Variants in COL18A1 observed in about 807,000 individuals in gnomAD.
COL18A1 encodes collagen type XVIII alpha 1 chain, also known as collagen alpha-1(XVIII) chain.
In COL18A1, 133 loss-of-function variants were observed where a neutral mutation model predicts 168.0. The ratio of observed to expected loss-of-function variants is 0.79; its 90% CI spans 0.69 to 0.91. The LOEUF is 0.91. Among genes scored for constraint, COL18A1 ranks in the 40% least tolerant of loss-of-function variants. The pLI, the probability that COL18A1 is intolerant of heterozygous loss-of-function variation, is 0.00. For missense variants in COL18A1, 2,126 were observed against 1,925.4 expected (o/e 1.10, Z -1.95); for synonymous variants, 949 against 809.0 (o/e 1.17, Z -2.94).
Position 45,506,129 on chromosome 21 carries a change from T to C in COL18A1, c.3216+163T>C, listed in dbSNP as rs949244268. 13 of 1,122,384 alleles carry C rather than the reference T, an allele frequency of 1.2e-5. No individual in the cohort carries two copies. In the African/African-American group the frequency reaches 2.0e-4, roughly 17 times the overall value. 69.5% of individuals were successfully genotyped at this position (1,122,384 alleles called of 1,614,324 possible). A position where few individuals can be genotyped will look rare whatever the true frequency, so the allele number is the denominator to read the frequency against. Reference sequence around the variant, plus strand: ...TTTGGTAAAGTTTAGTAAAATACTTTTGTGAGCAGTTTTGGGTTTAAAGAA... The same window carrying C: ...TTTGGTAAAGTTTAGTAAAATACTTCTGTGAGCAGTTTTGGGTTTAAAGAA... On this transcript the variant is annotated intron_variant, in intron 37 of 41. Transcript: ENST00000651438.
chr21:45,503,899 G>A (rs554548104), intron 32 of COL18A1, 112 bp from the exon 33 acceptor site: 14 of 1,097,036 alleles, frequency 1.3e-5, no homozygotes, highest in South Asian at 5.0e-5. Flanking sequence ...GATCTCTACC[G>A]CGAAATGGCT....
chr21:45,492,827 C>T lies in COL18A1; in HGVS notation c.2214+114C>T, dbSNP rs574468816. ...GGGCCTTGTCAGGCCCGAGGGATAG[C>T]GACAGTCACTGCCCCCAAGGAAATG... is the stretch of plus-strand genomic sequence containing the variant. On this transcript the variant is annotated intron_variant, in intron 24 of 41. Coordinates refer to ENST00000651438, the MANE Select transcript of COL18A1 (RefSeq NM_001379500.1). 1.1e-4 allele frequency: 91 copies of T among 838,842 alleles called. No individual in the cohort carries two copies. In the Admixed American group the frequency reaches 1.3e-3, roughly 12 times the overall value. The allele number at this position is 838,842 out of a possible 1,614,324, so 52.0% of individuals were successfully genotyped here. A position where few individuals can be genotyped will look rare whatever the true frequency, so the allele number is the denominator to read the frequency against.
chr21:45,426,669 C>T (rs2033813433), intron 2 of COL18A1, among the ~76,000 whole-genome samples: 1 of 152,236 alleles, frequency 6.6e-6, no homozygotes, highest in Non-Finnish European at 1.5e-5. Context: ...GCATGCTCAG[C>T]CCTTGCGTGA....
intron 2 of COL18A1, among the ~76,000 whole-genome samples, chr21:45,410,893 G>A (rs1223990789): frequency 1.3e-5 from 2 of 152,364 alleles, no homozygotes; most frequent in Non-Finnish European, 2.9e-5. Context: ...GAGGGCTCAG[G>A]AAGAGCCTCT....
At chr21:45,493,358 G>A in intron 25 of COL18A1, 133 bp downstream of exon 25, 1 of 1,280,384 alleles carries the variant, frequency 7.8e-7, no homozygotes, top group Admixed American at 2.0e-5. Flanking sequence ...GTACATCCCT[G>A]CTCGGGCCGT....
At chr21:45,489,883 C>T (rs1160595013) in intron 19 of COL18A1, among the ~76,000 whole-genome samples, 2 of 59,506 alleles carry the variant, frequency 3.4e-5, no homozygotes, top group Admixed American at 1.7e-4. Flanking sequence ...ACACCTCCTC[C>T]CCGACTTCCC....
chr21:45,484,053 TACAC>T lies in COL18A1; in HGVS notation c.1701+1243_1701+1246del, dbSNP rs760727971. ...CACACACACACCTCTCCAGCATATG[TACAC>T]ACACACACACTTCTCCAGCATATGT... On this transcript the variant is annotated intron_variant, in intron 15 of 41. Transcript: ENST00000651438. 1.1e-4 allele frequency among the ~76,000 whole-genome samples: 10 copies of T among 88,730 alleles called. 2 individuals carry two copies. Among genetic ancestry groups the T allele is most frequent in the Admixed American group, 8.0e-4 (7 of 8,786 alleles). The allele number at this position is 88,730 out of a possible 152,430, so 58.2% of individuals were successfully genotyped here.
chr21:45,487,421 C>T, intron 16 of COL18A1, 26 bp from the exon 17 acceptor site: 1 of 1,611,754 alleles, frequency 6.2e-7, no homozygotes, highest in Non-Finnish European at 8.5e-7. Flanking sequence ...ACACAGGCCC[C>T]TACGTGTCTC....
At chr21:45,408,692 C>T (rs2033195925) in intron 2 of COL18A1, 1 of 152,230 alleles carries the variant, frequency 6.6e-6, no homozygotes, top group African/African-American at 2.4e-5. Context: ...ATGCAGGCAG[C>T]TCGGAGAGAG....
Position 45,437,288 on chromosome 21 carries a change from GCACA to G in COL18A1, c.107-30944_107-30941del, listed in dbSNP as rs1336041353. Reference sequence around the variant, plus strand: ...CACTCAGACACACAGGCACTCTCCTGCACACACACACACTCACACAGGCACTCTC... The same window carrying G: ...CACTCAGACACACAGGCACTCTCCTGCACACACACTCACACAGGCACTCTC... On this transcript the variant is annotated intron_variant, in intron 2 of 41. Coordinates refer to ENST00000651438, the MANE Select transcript of COL18A1 (RefSeq NM_001379500.1). Among the ~76,000 whole-genome samples the G allele has an allele frequency of 1.5e-3, 129 of 85,992 alleles. 2 individuals carry two copies. Among genetic ancestry groups the G allele is most frequent in the African/African-American group, 6.5e-3 (114 of 17,470 alleles). 56.4% of individuals were successfully genotyped at this position (85,992 alleles called of 152,430 possible).
rs75379610 is a variant in COL18A1, at chr21:45,443,841, G to A, written c.107-24401G>A. 4.7e-4 allele frequency among the ~76,000 whole-genome samples: 72 copies of A among 152,328 alleles called. No homozygotes were observed. Among genetic ancestry groups the A allele is most frequent in the African/African-American group, 1.7e-3 (70 of 41,574 alleles). On this transcript the variant is annotated intron_variant, in intron 2 of 41. Transcript: ENST00000651438. This position sits in a 1 kb window ranked among gnomAD's most constrained non-coding sequence, Gnocchi z 5.2. ...CACTAAGGAGAGATGCCTGCTGCAT[G>A]ATCCCCTAGATGCGTCCGAGGGACA...
rs1325784605 is a variant in COL18A1 at position 45,492,517 on chromosome 21, C to A, written c.2158-18C>A. The A allele has an allele frequency of 3.1e-6, 5 of 1,613,476 alleles. No individual in the cohort carries two copies. The highest frequency in any genetic ancestry group is 4.2e-6 in the Non-Finnish European group (5 of 1,179,968). On this transcript the variant is annotated intron_variant, in intron 22 of 41. Transcript: ENST00000651438. ...ACGCGGCTCTTTGTTTCCGATTTTT[C>A]CTTTTGCTCGTGGACAGGGATCCGT...
chr21:45,477,977 C>T lies in COL18A1; in HGVS notation c.1221+12C>T, dbSNP rs765348415. 1.4e-5 allele frequency: 19 copies of T among 1,389,036 alleles called. No individual in the cohort carries two copies. Among genetic ancestry groups the T allele is most frequent in the Middle Eastern group, 1.8e-4 (1 of 5,536 alleles). 86.0% of individuals were successfully genotyped at this position (1,389,036 alleles called of 1,614,324 possible). A position where few individuals can be genotyped will look rare whatever the true frequency, so the allele number is the denominator to read the frequency against. ...GGGACGGCGAGCCGGTGAGTCCTCA[C>T]GTCCCCCCGAGTCCGGCCCGGTCTG... On this transcript the variant is annotated intron_variant, in intron 8 of 41. Transcript: ENST00000651438.
Position 45,513,556 on chromosome 21 carries a change from G to C in COL18A1, c.*1158G>C, listed in dbSNP as rs545590475. The C allele has an allele frequency of 6.6e-6, 1 of 152,258 alleles. No individual in the cohort carries two copies. Among genetic ancestry groups the C allele is most frequent in the African/African-American group, 2.4e-5 (1 of 41,538 alleles). The allele number at this position is 152,258 out of a possible 1,614,324, so 9.4% of individuals were successfully genotyped here. A position where few individuals can be genotyped will look rare whatever the true frequency, so the allele number is the denominator to read the frequency against. On this transcript the variant is annotated 3_prime_UTR_variant, in exon 42 of 42. Coordinates refer to ENST00000651438, the MANE Select transcript of COL18A1 (RefSeq NM_001379500.1). ...CCGGCAACATCAACCCGAGTCATTC[G>C]TTCTGTGGAGGGACAAGTGGACTCA...
intron 2 of COL18A1, among the ~76,000 whole-genome samples, chr21:45,440,508 C>T (rs981428497): frequency 2.6e-5 from 4 of 152,002 alleles, no homozygotes; most frequent in African/African-American, 9.7e-5. Flanking sequence ...CCACGTTCCC[C>T]GGAAGCAGTC....
rs1384257360 is a variant in COL18A1, at chr21:45,498,955, T to A, written c.2683+1294T>A. Among the ~76,000 whole-genome samples the A allele has an allele frequency of 6.6e-6, 1 of 152,108 alleles. No individual in the cohort carries two copies. The highest frequency in any genetic ancestry group is 6.5e-5 in the Admixed American group (1 of 15,276). ...TGTATAGGTTTTGGTCGACGTGGGA[T>A]TGCTTGTCCCTGGGAGCCAGAACGA... On this transcript the variant is annotated intron_variant, in intron 32 of 41. Transcript: ENST00000651438. This position sits in a 1 kb window ranked among gnomAD's most constrained non-coding sequence, Gnocchi z 4.5.
At position 45,496,538 on chromosome 21, in the gene COL18A1, C is replaced by T; in HGVS notation, c.2547C>T (p.Gly849=). ...PGPPGPPGPP[G]PPGTPVYDSN... ...CCCCAGGACCTCCAGGGCCCCCAGG[C>T]CCTCCAGGGACTCCTGTTTACGACA... Residue 849 remains glycine (G), a synonymous_variant, in exon 30 of 42, where the codon GGC becomes GGT. Coordinates refer to ENST00000651438, the MANE Select transcript of COL18A1 (RefSeq NM_001379500.1). 6.5e-7 allele frequency: 1 copy of T among 1,530,000 alleles called. No individual in the cohort carries two copies. Among genetic ancestry groups the T allele is most frequent in the Middle Eastern group, 1.7e-4 (1 of 5,910 alleles). 94.8% of individuals were successfully genotyped at this position (1,530,000 alleles called of 1,614,324 possible).
intron 8 of COL18A1, 138 bp from the exon 9 acceptor site, chr21:45,478,189 C>T (rs1385556760): frequency 9.7e-6 from 11 of 1,137,830 alleles, no homozygotes; most frequent in African/African-American, 4.6e-5. Context: ...AGGCTCCTGG[C>T]GCGGGTGCGA....
At chr21:45,483,306 C>T (rs987479222) in intron 15 of COL18A1, among the ~76,000 whole-genome samples, 8 of 152,326 alleles carry the variant, frequency 5.3e-5, no homozygotes, top group South Asian at 2.1e-4. Flanking sequence ...TCGGAAGGAG[C>T]GCTGAAGGCA....
Sources: gnomAD v4.1 joint callset for allele counts (sites outside exome capture counted in the v4.1 genomes callset) on GRCh38, gnomAD v4.1.1 for gene constraint, Gnocchi (gnomAD v3.1) non-coding constraint, MANE v1.5 for transcripts, NCBI Gene and HGNC (gene_info 2026-07-23, HGNC 2026-07-21) for gene names.